Variants in FGG observed in about 807,000 individuals in gnomAD.
FGG encodes the protein fibrinogen gamma chain.
Under a neutral mutation model 51.7 loss-of-function variants are expected in FGG, and 20 were observed. The observed-to-expected ratio is 0.39, with a 90% CI of 0.27 to 0.56. FGG has a LOEUF of 0.56. Ranked by LOEUF, FGG falls within the 20% of genes least tolerant of loss-of-function variation. The probability of loss-of-function intolerance (pLI) is 0.64; values close to 1 mark genes in which losing one functional copy is unlikely to be tolerated. For synonymous variants in FGG, 184 were observed against 184.7 expected (o/e 1.00, Z 0.03); for missense variants, 460 against 534.2 (o/e 0.86, Z 1.37).
At position 154,606,969 on chromosome 4, in the gene FGG, C is replaced by T; in HGVS notation, c.865G>A (p.Ala289Thr). 1 of 1,606,096 alleles carries T rather than the reference C, an allele frequency of 6.2e-7. No individual in the cohort carries two copies. The highest frequency in any genetic ancestry group is 1.7e-5 in the Admixed American group (1 of 59,704). The change falls in exon 8 of 9, where the codon GCC (alanine) becomes ACC (threonine). Residue 289 changes from alanine to threonine, a missense_variant. Coordinates refer to ENST00000336098, the MANE Select transcript of FGG (RefSeq NM_021870.3). Reference protein sequence around the residue: ...WNGRTSTADYAMFKVGPEADK... With the variant: ...WNGRTSTADYTMFKVGPEADK... ...GCTTCAGGTCCCACCTTGAACATGG[C>T]ATAGTCTGCAGTACTGAGAAGAAGG...
chr4:154,604,203 T>C lies in FGG; in HGVS notation c.*631A>G, dbSNP rs1441260030. 2.1e-5 allele frequency: 12 copies of C among 583,366 alleles called. No homozygotes were observed. The highest frequency in any genetic ancestry group is 1.2e-4 in the Admixed American group (3 of 25,022). The allele number at this position is 583,366 out of a possible 1,614,324, so 36.1% of individuals were successfully genotyped here. A position where few individuals can be genotyped will look rare whatever the true frequency, so the allele number is the denominator to read the frequency against. ...AATTATCATCAGCATAAAACTGTTA[T>C]GGAGTTTTCAACATGGGGTCTTTTG... On this transcript the variant is annotated 3_prime_UTR_variant, in exon 9 of 9. Transcript: ENST00000336098.
intron 4 of FGG, 135 bp from the exon 5 acceptor site, chr4:154,610,332 C>A: frequency 3.0e-6 from 2 of 660,348 alleles, no homozygotes; most frequent in Non-Finnish European, 5.0e-6. Context: ...TTATTCCATT[C>A]TTGAGGAAAA....
intron 8 of FGG, among the ~76,000 whole-genome samples, chr4:154,606,302 A>T (rs1731095284): frequency 6.6e-6 from 1 of 152,132 alleles, no homozygotes; most frequent in Non-Finnish European, 1.5e-5. Context: ...TGTTCCTCCA[A>T]ACACCTGTTC....
rs1256694110 is a variant in FGG, at chr4:154,609,727, C to A, written c.569G>T (p.Ser190Ile). The part of the protein sequence containing the change: ...QDIANKGAKQ[S>I]GLYFIKPLKA... The stretch of plus-strand genomic sequence containing the variant: ...CAGAGGTTTAATAAAGTAAAGCCCG[C>A]TCTGTTTAGCTCCCTTATTGGCAAT... Residue 190 changes from serine (S) to isoleucine (I), a missense_variant, in exon 6 of 9, where the codon AGC (serine) becomes ATC (isoleucine). Ser to Ile is a moderately radical substitution (Grantham distance 142). Coordinates refer to ENST00000336098, the MANE Select transcript of FGG (RefSeq NM_021870.3). The A allele has an allele frequency of 6.2e-7, 1 of 1,613,976 alleles. No homozygotes were observed. The highest frequency in any genetic ancestry group is 1.7e-5 in the Admixed American group (1 of 59,986).
chr4:154,604,727 C>G lies in FGG; in HGVS notation c.*107G>C. 1 of 1,557,576 alleles carries G rather than the reference C, an allele frequency of 6.4e-7. No homozygotes were observed. The highest frequency in any genetic ancestry group is 8.7e-7 in the Non-Finnish European group (1 of 1,155,202). ...TTAATTTCCATTGAAGGCTAAATGT[C>G]CTTAATAGAAGACTTGAAATCAATA... On this transcript the variant is annotated 3_prime_UTR_variant, in exon 9 of 9. Transcript: ENST00000336098.
chr4:154,606,827 A>C lies in FGG; in HGVS notation c.1007T>G (p.Met336Arg). 6.2e-7 allele frequency: 1 copy of C among 1,613,988 alleles called. No homozygotes were observed. The highest frequency in any genetic ancestry group is 1.1e-5 in the South Asian group (1 of 91,074). The change falls in exon 8 of 9, where the codon ATG becomes AGG. Residue 336 changes from methionine (M) to arginine (R), a missense_variant. Physicochemically the swap from Met to Arg is moderately conservative, Grantham distance 91. Transcript: ENST00000336098. ...SDKFFTSHNGMQFSTWDNDND... is the reference protein window; with the variant it reads ...SDKFFTSHNGRQFSTWDNDND... ...GTCATTGTCCCAGGTACTGAACTGC[A>C]TGCCATTATGGGATGTGAAAAACTT...
Position 154,604,394 on chromosome 4 carries a change from C to T in FGG, c.*440G>A. 6.9e-7 allele frequency: 1 copy of T among 1,450,910 alleles called. No individual in the cohort carries two copies. Among genetic ancestry groups the T allele is most frequent in the Non-Finnish European group, 9.2e-7 (1 of 1,090,628 alleles). The allele number at this position is 1,450,910 out of a possible 1,614,324, so 89.9% of individuals were successfully genotyped here. On this transcript the variant is annotated 3_prime_UTR_variant, in exon 9 of 9. Transcript: ENST00000336098. ...CAAAACAAAAACCATATTAAAAAGA[C>T]ATAATTTTCTCCATTTAAAAAGAAG...
Position 154,604,386 on chromosome 4 carries a change from T to G in FGG, c.*448A>C. 1 of 1,468,262 alleles carries G rather than the reference T, an allele frequency of 6.8e-7. No homozygotes were observed. The highest frequency in any genetic ancestry group is 9.1e-7 in the Non-Finnish European group (1 of 1,104,726). The allele number at this position is 1,468,262 out of a possible 1,614,324, so 91.0% of individuals were successfully genotyped here. A position where few individuals can be genotyped will look rare whatever the true frequency, so the allele number is the denominator to read the frequency against. On this transcript the variant is annotated 3_prime_UTR_variant, in exon 9 of 9. Coordinates refer to ENST00000336098, the MANE Select transcript of FGG (RefSeq NM_021870.3). ...ATATATAACAAAACAAAAACCATAT[T>G]AAAAAGACATAATTTTCTCCATTTA...
chr4:154,605,114 C>A (rs1422003870), intron 8 of FGG, 48 bp from the exon 9 acceptor site: 4 of 1,608,780 alleles, frequency 2.5e-6, no homozygotes, highest in Non-Finnish European at 3.4e-6. Context: ...AATCTTTTTA[C>A]CTCTGCAAGT....
intron 6 of FGG, among the ~76,000 whole-genome samples, chr4:154,609,344 G>T (rs1578810659): frequency 6.6e-6 from 1 of 152,110 alleles, no homozygotes; most frequent in East Asian, 1.9e-4. Flanking sequence ...AATCTACAAA[G>T]TCAGTGCCAG....
intron 2 of FGG, 89 bp downstream of exon 2, chr4:154,612,302 G>A: frequency 1.3e-6 from 2 of 1,584,382 alleles, no homozygotes; most frequent in East Asian, 2.2e-5. Context: ...AAAGTTACAA[G>A]TGCCAGATGA....
Position 154,612,617 on chromosome 4 carries a change from G to A in FGG, c.-8C>T. On this transcript the variant is annotated 5_prime_UTR_variant, in exon 1 of 9. Transcript: ENST00000336098. ...GTGCAAGGACCAACTCATGATGTCT[G>A]AGTGCCCGGAGCTCCGAGCCTTGTA... The A allele has an allele frequency of 6.2e-7, 1 of 1,613,512 alleles. No individual in the cohort carries two copies. The highest frequency in any genetic ancestry group is 8.5e-7 in the Non-Finnish European group (1 of 1,179,682).
intron 5 of FGG, 99 bp downstream of exon 5, chr4:154,609,968 G>A (rs1430930678): frequency 1.3e-6 from 2 of 1,554,200 alleles, no homozygotes. Flanking sequence ...TTAATGGGTA[G>A]CCACTTTCTA....
Position 154,612,385 on chromosome 4 carries a change from A to C in FGG, c.123+6T>G. 1 of 1,612,918 alleles carries C rather than the reference A, an allele frequency of 6.2e-7. No homozygotes were observed. On this transcript the variant is annotated splice_donor_region_variant and intron_variant, in intron 2 of 8. Transcript: ENST00000336098. ...ACACAAAGGGAGAAACATAAAAACT[A>C]CTTACGAATCTTTCATCTAAGATGC...
intron 8 of FGG, among the ~76,000 whole-genome samples, chr4:154,606,195 C>T (rs1005264553): frequency 1.2e-4 from 18 of 152,072 alleles, no homozygotes; most frequent in African/African-American, 4.1e-4. Context: ...TCATCCAACC[C>T]CCATCCTAAA....
intron 5 of FGG, 147 bp downstream of exon 5, chr4:154,609,920 C>T: frequency 6.7e-7 from 1 of 1,496,708 alleles, no homozygotes; most frequent in Non-Finnish European, 9.2e-7. Flanking sequence ...TTTTTTTTAG[C>T]TATTCAAGAA....
intron 8 of FGG, 138 bp from the exon 9 acceptor site, chr4:154,605,204 CAA>C: frequency 1.3e-6 from 1 of 789,274 alleles, no homozygotes; most frequent in Non-Finnish European, 2.0e-6. Flanking sequence ...AAAATATCTC[CAA>C]AGATTCCTAA....
chr4:154,611,954 A>C (rs1368840504), intron 3 of FGG, 56 bp from the exon 4 acceptor site: 11 of 1,605,086 alleles, frequency 6.9e-6, no homozygotes, highest in Non-Finnish European at 9.4e-6. Flanking sequence ...CAACTAAAAC[A>C]ACAGCAAAAG....
chr4:154,604,517 T>C lies in FGG; in HGVS notation c.*317A>G, dbSNP rs1413608994. Reference sequence around the variant, plus strand: ...CTATTTTATTAAGTACATACTAAAATATTTGATATAATGAAAATAATTTAC... The same window carrying C: ...CTATTTTATTAAGTACATACTAAAACATTTGATATAATGAAAATAATTTAC... On this transcript the variant is annotated 3_prime_UTR_variant, in exon 9 of 9. Coordinates refer to ENST00000336098, the MANE Select transcript of FGG (RefSeq NM_021870.3). The C allele has an allele frequency of 1.8e-6, 2 of 1,101,944 alleles. No homozygotes were observed. Among genetic ancestry groups the C allele is most frequent in the Non-Finnish European group, 2.4e-6 (2 of 817,596 alleles). 68.3% of individuals were successfully genotyped at this position (1,101,944 alleles called of 1,614,324 possible).
Sources: allele counts gnomAD v4.1 joint callset (sites outside exome capture counted in the v4.1 genomes callset), GRCh38; gene constraint gnomAD v4.1.1; transcripts MANE v1.5; gene names NCBI Gene and HGNC (gene_info 2026-07-23, HGNC 2026-07-21).